The following MAML2 variants were observed in gnomAD, a reference collection of about 807,000 sequenced individuals.
MAML2 encodes mastermind-like protein 2.
In MAML2, 22 loss-of-function variants were observed where a neutral mutation model predicts 96.1. The ratio of observed to expected loss-of-function variants is 0.23; its 90% confidence interval spans 0.16 to 0.33. The LOEUF is 0.33. Ranked by LOEUF, MAML2 falls within the 10% of genes least tolerant of loss-of-function variation. The pLI is 1.00. For synonymous variants in MAML2, 561 were observed against 521.3 expected (o/e 1.08, Z -1.04); for missense variants, 1,367 against 1,392.4 (o/e 0.98, Z 0.29).
At chr11:96,276,934 T>G (rs950184438) in intron 1 of MAML2, among the ~76,000 whole-genome samples, 7 of 150,470 alleles carry the variant, frequency 4.7e-5, no homozygotes, top group Non-Finnish European at 8.9e-5. Context: ...TATGCACTCA[T>G]CCCACTGATA....
At chr11:96,096,278 C>G (rs377059387) in intron 1 of MAML2, among the ~76,000 whole-genome samples, 30 of 152,224 alleles carry the variant, frequency 2.0e-4, no homozygotes, top group African/African-American at 7.2e-4. Context: ...TTTCTTTAGG[C>G]TATGAGGAGT....
chr11:96,037,936 C>T (rs895573774), intron 2 of MAML2, among the ~76,000 whole-genome samples: 2 of 152,060 alleles, frequency 1.3e-5, no homozygotes, highest in African/African-American at 4.8e-5. Flanking sequence ...TAAAATTAGG[C>T]AGGGTGGGGC....
At chr11:96,206,513 G>T (rs746132022) in intron 1 of MAML2, among the ~76,000 whole-genome samples, 1 of 152,184 alleles carries the variant, frequency 6.6e-6, no homozygotes, top group Non-Finnish European at 1.5e-5. Flanking sequence ...CAGGAGAATC[G>T]CTTGAACCCA....
At chr11:96,215,554 G>A (rs1038643564) in intron 1 of MAML2, among the ~76,000 whole-genome samples, 9 of 152,136 alleles carry the variant, frequency 5.9e-5, no homozygotes, top group Admixed American at 4.6e-4. Flanking sequence ...GAGGAAATCC[G>A]AGGCAGGAAA....
intron 1 of MAML2, among the ~76,000 whole-genome samples, chr11:96,204,992 A>G (rs1280159357): frequency 6.6e-6 from 1 of 152,160 alleles, no homozygotes; most frequent in African/African-American, 2.4e-5. Context: ...AGAGTCCTAT[A>G]TCTGTTGCTT....
chr11:96,222,708 G>C (rs1169652493), intron 1 of MAML2, among the ~76,000 whole-genome samples: 1 of 152,062 alleles, frequency 6.6e-6, no homozygotes, highest in African/African-American at 2.4e-5. Flanking sequence ...CGTGGCCAAA[G>C]AACATCTTGT....
At chr11:96,055,270 A>G (rs1859046009) in intron 2 of MAML2, among the ~76,000 whole-genome samples, 1 of 152,170 alleles carries the variant, frequency 6.6e-6, no homozygotes, top group South Asian at 2.1e-4. Flanking sequence ...AAACCTCAAT[A>G]ATTTGAAAGG....
intron 2 of MAML2, among the ~76,000 whole-genome samples, chr11:96,057,019 C>G (rs1288762688): frequency 6.6e-6 from 1 of 151,990 alleles, no homozygotes; most frequent in Non-Finnish European, 1.5e-5. Context: ...CTAGTTTCAC[C>G]TTCTGAGTTT....
intron 2 of MAML2, among the ~76,000 whole-genome samples, chr11:96,027,043 C>T (rs1401983294): frequency 1.3e-5 from 2 of 152,076 alleles, no homozygotes; most frequent in Non-Finnish European, 2.9e-5. Context: ...TGTTTTCCTA[C>T]CTACAGGAAG....
intron 1 of MAML2, among the ~76,000 whole-genome samples, chr11:96,240,521 G>A (rs575278616): frequency 1.7e-5 from 2 of 118,692 alleles, no homozygotes; most frequent in South Asian, 2.9e-4. Context: ...ACTGCAGTCC[G>A]CAGTCCGGCC....
chr11:96,012,611 C>T (rs1858284038), intron 2 of MAML2, among the ~76,000 whole-genome samples: 1 of 152,084 alleles, frequency 6.6e-6, no homozygotes, highest in Non-Finnish European at 1.5e-5. Context: ...CATAATAAGC[C>T]GTTAACTCCA....
intron 1 of MAML2, among the ~76,000 whole-genome samples, chr11:96,131,446 A>G (rs970279163): frequency 5.9e-5 from 9 of 152,238 alleles, no homozygotes; most frequent in African/African-American, 1.9e-4. Flanking sequence ...TATATAGAAC[A>G]TATACTTAAC....
intron 1 of MAML2, among the ~76,000 whole-genome samples, chr11:96,241,690 A>T (rs967537627): frequency 2.0e-5 from 3 of 152,166 alleles, no homozygotes; most frequent in African/African-American, 4.8e-5. Flanking sequence ...GACAGTGTTG[A>T]TTGCGGAAGT....
At chr11:96,316,865 G>C (rs1001971533) in intron 1 of MAML2, among the ~76,000 whole-genome samples, 2 of 151,952 alleles carry the variant, frequency 1.3e-5, no homozygotes, top group East Asian at 3.8e-4. Context: ...TGCCCAGACA[G>C]GGGATTCAAG....
chr11:96,252,865 A>C (rs1862604786), intron 1 of MAML2, among the ~76,000 whole-genome samples: 2 of 152,310 alleles, frequency 1.3e-5, no homozygotes, highest in South Asian at 4.1e-4. Context: ...AAAGCAGTTT[A>C]ATTGTCTCCA....
chr11:96,335,801 G>T (rs760628610), intron 1 of MAML2, among the ~76,000 whole-genome samples: 2 of 151,966 alleles, frequency 1.3e-5, no homozygotes, highest in Admixed American at 1.3e-4. Context: ...AATCTCATTT[G>T]TCCCCCTCAG....
chr11:96,004,655 T>C (rs117991679), intron 2 of MAML2, among the ~76,000 whole-genome samples: 1,659 of 152,334 alleles, frequency 0.011, 5 homozygotes, highest in Non-Finnish European at 0.018. Context: ...TGTGTGTAAA[T>C]ATTTGCTTCA....
chr11:96,248,347 A>C (rs1266823820), intron 1 of MAML2, among the ~76,000 whole-genome samples: 2 of 150,732 alleles, frequency 1.3e-5, no homozygotes, highest in African/African-American at 4.8e-5. Flanking sequence ...CCTGACCTCA[A>C]GTGATCCATC....
intron 1 of MAML2, among the ~76,000 whole-genome samples, chr11:96,275,028 T>C (rs949220098): frequency 1.3e-5 from 2 of 152,118 alleles, no homozygotes; most frequent in Non-Finnish European, 2.9e-5. Flanking sequence ...GTATATGTAT[T>C]GTATCTCAAT....
Sources: gnomAD v4.1 joint callset for allele counts (sites outside exome capture counted in the v4.1 genomes callset) on GRCh38, gnomAD v4.1.1 for gene constraint, MANE v1.5 for transcripts, NCBI Gene and HGNC (gene_info 2026-07-23, HGNC 2026-07-21) for gene names.